Variants in NCOA2 observed in about 807,000 individuals in gnomAD.
The protein encoded by NCOA2 is nuclear receptor coactivator 2, also known as class E basic helix-loop-helix protein 75.
Under a neutral mutation model 145.1 loss-of-function variants are expected in NCOA2, and 21 were observed. The observed-to-expected ratio is 0.14, with a 90% CI of 0.10 to 0.21. The LOEUF is 0.21. Among genes scored for constraint, NCOA2 ranks in the 10% least tolerant of loss-of-function variants. NCOA2 has a pLI of 1.00. For missense variants in NCOA2, 1,472 were observed against 1,837.6 expected, an observed-to-expected ratio of 0.80 and a Z score of 3.64; for synonymous variants, 619 against 637.5, an observed-to-expected ratio of 0.97 and a Z score of 0.44.
intron 1 of NCOA2, among the ~76,000 whole-genome samples, chr8:70,358,113 G>C (rs1210510635): frequency 6.6e-6 from 1 of 151,978 alleles, no homozygotes; most frequent in Non-Finnish European, 1.5e-5. Context: ...AGGAATTAAA[G>C]ACTTAAATAA....
Position 70,307,220 on chromosome 8 carries a change from CAAA to C in NCOA2, c.-76-10423_-76-10421del, listed in dbSNP as rs57161747. On this transcript the variant is annotated intron_variant, in intron 1 of 22. Coordinates refer to ENST00000452400, the MANE Select transcript of NCOA2 (RefSeq NM_006540.4). ...TTATTGGCTGTTGTACCTACATAAG[CAAA>C]AAAAAAAAAAAAAAAAAATAGAAGA... 5.1e-3 allele frequency among the ~76,000 whole-genome samples: 363 copies of C among 71,628 alleles called. 1 individual carries two copies. The highest frequency in any genetic ancestry group is 0.015 in the African/African-American group (347 of 22,554). 47.0% of individuals were successfully genotyped at this position (71,628 alleles called of 152,430 possible).
chr8:70,185,051 T>G (rs1311156052), intron 4 of NCOA2, among the ~76,000 whole-genome samples: 1 of 152,178 alleles, frequency 6.6e-6, no homozygotes, highest in Non-Finnish European at 1.5e-5. Context: ...TCTGGTTATC[T>G]TTTCCTTCCA....
chr8:70,329,345 A>C (rs927097653), intron 1 of NCOA2, among the ~76,000 whole-genome samples: 1 of 152,122 alleles, frequency 6.6e-6, no homozygotes, highest in Non-Finnish European at 1.5e-5. Flanking sequence ...TCCTGGGCTC[A>C]AGCAATCGAC....
the NCOA2 span, among the ~76,000 whole-genome samples, chr8:70,439,367 A>G: frequency 1.3e-5 from 2 of 152,196 alleles, no homozygotes; most frequent in Non-Finnish European, 2.9e-5. Context: ...GTACCTGGCC[A>G]GTGAGAAGGA....
At chr8:70,447,877 G>A in the NCOA2 span, among the ~76,000 whole-genome samples, 1 of 151,866 alleles carries the variant, frequency 6.6e-6, no homozygotes, top group Non-Finnish European at 1.5e-5. Flanking sequence ...TAGAGATGGG[G>A]TTTCTCCATA....
intron 2 of NCOA2, among the ~76,000 whole-genome samples, chr8:70,229,038 T>C (rs1820910177): frequency 6.6e-6 from 1 of 152,222 alleles, no homozygotes; most frequent in Admixed American, 6.5e-5. Flanking sequence ...CTATTATATT[T>C]AGGGCAAAAA....
At position 70,110,786 on chromosome 8, in the gene NCOA2, G is replaced by A. The variant is rs1806471596; in HGVS notation, c.*2846C>T. ...AATCTTTGAGTCAAACGAATTCATT[G>A]TAGTAAAACAGCTCACTTCACTTTT... On this transcript the variant is annotated 3_prime_UTR_variant, in exon 23 of 23. Transcript: ENST00000452400. 1 of 224,948 alleles carries A rather than the reference G, an allele frequency of 4.4e-6. No individual in the cohort carries two copies. Among genetic ancestry groups the A allele is most frequent in the Non-Finnish European group, 8.9e-6 (1 of 112,928 alleles). 13.9% of individuals were successfully genotyped at this position (224,948 alleles called of 1,614,324 possible).
At chr8:70,418,037 T>C in the NCOA2 span, among the ~76,000 whole-genome samples, 2 of 152,162 alleles carry the variant, frequency 1.3e-5, no homozygotes, top group Non-Finnish European at 2.9e-5. Flanking sequence ...TAGCAGCATA[T>C]AAAATCTCAG....
At chr8:70,318,754 C>T (rs531161618) in intron 1 of NCOA2, among the ~76,000 whole-genome samples, 1 of 152,042 alleles carries the variant, frequency 6.6e-6, no homozygotes, top group Admixed American at 6.6e-5. Flanking sequence ...CAGAGGGAGA[C>T]CCTGTCTCAA....
intron 1 of NCOA2, among the ~76,000 whole-genome samples, chr8:70,314,696 A>C (rs938604262): frequency 1.4e-4 from 21 of 152,242 alleles, no homozygotes; most frequent in African/African-American, 4.6e-4. Context: ...TAAGCATTCC[A>C]AAATTGTTTT....
chr8:70,260,377 C>A (rs1002304577), intron 2 of NCOA2, among the ~76,000 whole-genome samples: 1 of 152,104 alleles, frequency 6.6e-6, no homozygotes, highest in Non-Finnish European at 1.5e-5. Context: ...AAGCAATCCA[C>A]CCGCCTCAGC....
At chr8:70,281,846 C>T (rs946373938) in intron 2 of NCOA2, among the ~76,000 whole-genome samples, 2 of 152,196 alleles carry the variant, frequency 1.3e-5, no homozygotes, top group African/African-American at 4.8e-5. Context: ...TCAGAATACT[C>T]ATGAGATAAG....
chr8:70,441,727 AAGAG>A, the NCOA2 span, among the ~76,000 whole-genome samples: 4 of 150,650 alleles, frequency 2.7e-5, no homozygotes, highest in African/African-American at 4.9e-5. Context: ...GGAAAGAAAG[AAGAG>A]AGAAAGAAAC....
the NCOA2 span, among the ~76,000 whole-genome samples, chr8:70,423,519 A>AT: frequency 5.5e-4 from 84 of 152,170 alleles, no homozygotes; most frequent in Admixed American, 2.0e-4. Context: ...GCAGGAGATC[A>AT]TAAGATGAAA....
chr8:70,437,407 C>A, the NCOA2 span, among the ~76,000 whole-genome samples: 1 of 152,214 alleles, frequency 6.6e-6, no homozygotes, highest in Admixed American at 6.5e-5. Context: ...GAATGTCTGA[C>A]ACCTACCAGG....
intron 12 of NCOA2, among the ~76,000 whole-genome samples, chr8:70,145,332 T>TTTCTTTTTTTCC (rs752128879): frequency 1.4e-5 from 2 of 141,786 alleles, no homozygotes; most frequent in African/African-American, 5.7e-5. Context: ...TAATTTTTTC[T>TTTCTTTTTTTCC]TTTTTTTTTT....
chr8:70,200,043 T>C (rs945328974), intron 4 of NCOA2, among the ~76,000 whole-genome samples: 1 of 152,234 alleles, frequency 6.6e-6, no homozygotes, highest in African/African-American at 2.4e-5. Context: ...CAATACACTA[T>C]AACAACTATG....
intron 5 of NCOA2, among the ~76,000 whole-genome samples, chr8:70,172,777 A>C (rs1814397611): frequency 6.6e-6 from 1 of 152,192 alleles, no homozygotes; most frequent in Non-Finnish European, 1.5e-5. Context: ...GTTGCTTCCT[A>C]CTGCTTATAC....
chr8:70,281,129 G>C (rs1825841463), intron 2 of NCOA2, among the ~76,000 whole-genome samples: 1 of 151,702 alleles, frequency 6.6e-6, no homozygotes, highest in African/African-American at 2.4e-5. Context: ...CGAGGTGGGT[G>C]GATCACTTGA....
Sources: gnomAD v4.1 joint callset for allele counts (sites outside exome capture counted in the v4.1 genomes callset) on GRCh38, gnomAD v4.1.1 for gene constraint, MANE v1.5 for transcripts, NCBI Gene and HGNC (gene_info 2026-07-23, HGNC 2026-07-21) for gene names.